FSTL5: variants seen among roughly 807,000 people sequenced by gnomAD.
FSTL5 encodes the protein follistatin like 5, also known as follistatin-related protein 5.
A neutral mutation model predicts 89.1 loss-of-function variants in FSTL5; 62 were observed. That is an observed-to-expected ratio of 0.70 (90% CI 0.57 to 0.86). The LOEUF (loss-of-function observed/expected upper bound fraction) is 0.86, where lower values mean the gene tolerates loss of function less well. FSTL5 is among the 40% of genes least tolerant of loss of function. The probability of loss-of-function intolerance (pLI) is 0.00; values close to 1 mark genes in which losing one functional copy is unlikely to be tolerated. For synonymous variants in FSTL5, 383 were observed against 346.2 expected (o/e 1.11, Z -1.18); for missense variants, 1,057 against 1,001.6 (o/e 1.06, Z -0.75).
chr4:161,587,344 A>G, intron 8 of FSTL5, 111 bp downstream of exon 8: 2 of 975,366 alleles, frequency 2.1e-6, no homozygotes, highest in Non-Finnish European at 3.1e-6. Flanking sequence ...TTGAGTCTCA[A>G]AACTTGAAAT....
intron 15 of FSTL5, among the ~76,000 whole-genome samples, chr4:161,442,439 AAT>A: frequency 6.6e-6 from 1 of 152,246 alleles, no homozygotes; most frequent in East Asian, 1.9e-4. Context: ...AAGTGCCACA[AAT>A]ATCTTCAAAA....
chr4:161,677,464 T>C (rs1171882324), intron 6 of FSTL5, among the ~76,000 whole-genome samples: 1 of 152,048 alleles, frequency 6.6e-6, no homozygotes, highest in Non-Finnish European at 1.5e-5. Flanking sequence ...CATAATTTAA[T>C]TAACAAGTAT....
rs185868337 is a variant in FSTL5, at chr4:161,750,331, A to G, written c.727+9080T>C. On this transcript the variant is annotated intron_variant, in intron 6 of 15. Transcript: ENST00000306100. ...GGCTATTGAACATTTGGCTTATCCA[A>G]TTGAGATATGCTGTACTGTAATAAT... Among the ~76,000 whole-genome samples the G allele has an allele frequency of 2.1e-3, 325 of 152,284 alleles. 4 individuals carry two copies. The highest frequency in any genetic ancestry group is 7.6e-3 in the African/African-American group (316 of 41,570).
At chr4:161,491,658 T>C (rs1449971447) in intron 12 of FSTL5, among the ~76,000 whole-genome samples, 1 of 152,046 alleles carries the variant, frequency 6.6e-6, no homozygotes, top group African/African-American at 2.4e-5. Flanking sequence ...CTGGTCAACA[T>C]GCTGAAACCC....
chr4:161,677,827 T>C (rs542483268), intron 6 of FSTL5, among the ~76,000 whole-genome samples: 63 of 151,934 alleles, frequency 4.1e-4, no homozygotes, highest in Non-Finnish European at 7.2e-4. Flanking sequence ...TAACTAAAAT[T>C]GTGTTTTTTT....
intron 3 of FSTL5, among the ~76,000 whole-genome samples, chr4:161,956,406 G>A (rs181873094): frequency 6.6e-6 from 1 of 151,804 alleles, no homozygotes; most frequent in Non-Finnish European, 1.5e-5. Flanking sequence ...AGCAAATTTT[G>A]TAAAGGTATG....
intron 6 of FSTL5, among the ~76,000 whole-genome samples, chr4:161,662,555 G>A (rs1028579444): frequency 6.6e-6 from 1 of 152,008 alleles, no homozygotes; most frequent in Admixed American, 6.6e-5. Flanking sequence ...GCAAAAAAGA[G>A]AAATAGTAAG....
chr4:161,563,837 G>T (rs1732698016), intron 8 of FSTL5, among the ~76,000 whole-genome samples: 1 of 151,884 alleles, frequency 6.6e-6, no homozygotes, highest in South Asian at 2.1e-4. Flanking sequence ...AATCTAAATT[G>T]GTTAGAAGTG....
intron 6 of FSTL5, among the ~76,000 whole-genome samples, chr4:161,682,006 G>A (rs1307269136): frequency 6.6e-6 from 1 of 152,172 alleles, no homozygotes; most frequent in Non-Finnish European, 1.5e-5. Context: ...TTGCTACTAA[G>A]CTACAAACCT....
chr4:162,063,958 A>G (rs777315145), intron 2 of FSTL5, among the ~76,000 whole-genome samples: 2 of 151,972 alleles, frequency 1.3e-5, no homozygotes, highest in Non-Finnish European at 2.9e-5. Context: ...TCTGGTATAG[A>G]TGATTTAAAA....
chr4:162,152,045 T>C (rs4691816), intron 1 of FSTL5, among the ~76,000 whole-genome samples: 1 of 152,086 alleles, frequency 6.6e-6, no homozygotes, highest in East Asian at 1.9e-4. Context: ...GGGCACACAG[T>C]CCGACTACAG....
intron 3 of FSTL5, among the ~76,000 whole-genome samples, chr4:162,013,938 C>T (rs1736843151): frequency 6.6e-6 from 1 of 152,010 alleles, no homozygotes; most frequent in African/African-American, 2.4e-5. Flanking sequence ...TGGATTTAAG[C>T]AAACTAAGAG....
At chr4:161,416,857 A>G (rs113625232) in intron 15 of FSTL5, among the ~76,000 whole-genome samples, 17 of 149,496 alleles carry the variant, frequency 1.1e-4, no homozygotes, top group South Asian at 8.4e-4. Context: ...AAAAAAAAAA[A>G]AAAAGAAAGA....
chr4:161,758,971 T>C (rs1051234556), intron 6 of FSTL5, among the ~76,000 whole-genome samples: 2 of 152,210 alleles, frequency 1.3e-5, no homozygotes, highest in African/African-American at 4.8e-5. Flanking sequence ...TTAATAAAAA[T>C]ATAACTCTTG....
At chr4:161,818,116 G>A (rs868426429) in intron 4 of FSTL5, among the ~76,000 whole-genome samples, 1 of 152,154 alleles carries the variant, frequency 6.6e-6, no homozygotes, top group Non-Finnish European at 1.5e-5. Flanking sequence ...GCACATCAGC[G>A]GAGGAACACA....
At chr4:161,526,859 A>G (rs186380683) in intron 10 of FSTL5, among the ~76,000 whole-genome samples, 1 of 152,122 alleles carries the variant, frequency 6.6e-6, no homozygotes, top group Non-Finnish European at 1.5e-5. Context: ...GCCTTGTAGT[A>G]TAGTTTGAAG....
intron 3 of FSTL5, among the ~76,000 whole-genome samples, chr4:161,956,298 T>A (rs1363932174): frequency 6.6e-6 from 1 of 151,540 alleles, no homozygotes; most frequent in Non-Finnish European, 1.5e-5. Context: ...CAATTAAGAA[T>A]AAGAATAAAT....
chr4:161,835,770 G>T (rs1731019107), intron 4 of FSTL5, among the ~76,000 whole-genome samples: 1 of 152,162 alleles, frequency 6.6e-6, no homozygotes, highest in Non-Finnish European at 1.5e-5. Context: ...TCCCACACCA[G>T]TTAGAATGGC....
intron 4 of FSTL5, among the ~76,000 whole-genome samples, chr4:161,870,563 T>C (rs1732233537): frequency 6.6e-6 from 1 of 152,138 alleles, no homozygotes; most frequent in African/African-American, 2.4e-5. Flanking sequence ...TTTTCCAAGT[T>C]CCAGAATAAG....
Sources: allele counts gnomAD v4.1 joint callset (sites outside exome capture counted in the v4.1 genomes callset), GRCh38; gene constraint gnomAD v4.1.1; transcripts MANE v1.5; gene names NCBI Gene and HGNC (gene_info 2026-07-23, HGNC 2026-07-21).